The following UVRAG variants were observed in gnomAD, a reference collection of about 807,000 sequenced individuals.
The protein encoded by UVRAG is UV radiation resistance associated.
A neutral mutation model predicts 78.0 loss-of-function variants in UVRAG; 19 were observed. The ratio of observed to expected loss-of-function variants is 0.24; its 90% CI spans 0.17 to 0.36. The LOEUF is 0.36. Among genes scored for constraint, UVRAG ranks in the 10% least tolerant of loss-of-function variants. The pLI is 1.00. For synonymous variants in UVRAG, 323 were observed against 324.6 expected (o/e 1.00, Z 0.05); for missense variants, 740 against 853.8 (o/e 0.87, Z 1.66).
At chr11:76,053,774 A>G (rs1950921271) in intron 12 of UVRAG, among the ~76,000 whole-genome samples, 1 of 152,206 alleles carries the variant, frequency 6.6e-6, no homozygotes. Flanking sequence ...GATCGAGACC[A>G]GCCTGGCCAA....
intron 9 of UVRAG, among the ~76,000 whole-genome samples, chr11:76,004,530 A>G (rs775954896): frequency 2.0e-5 from 3 of 151,740 alleles, no homozygotes; most frequent in Non-Finnish European, 4.4e-5. Flanking sequence ...TCTCCATGCT[A>G]CGATCAGACC....
chr11:75,932,538 C>T (rs1433801659), intron 6 of UVRAG, among the ~76,000 whole-genome samples: 1 of 152,122 alleles, frequency 6.6e-6, no homozygotes, highest in Non-Finnish European at 1.5e-5. Flanking sequence ...CCCGCCTCGG[C>T]CTCCCAAAGT....
intron 1 of UVRAG, among the ~76,000 whole-genome samples, chr11:75,832,856 CAGGA>C: frequency 6.6e-6 from 1 of 152,300 alleles, no homozygotes; most frequent in East Asian, 1.9e-4. Context: ...ACTCTTGTGT[CAGGA>C]ACTGGAAACT....
rs1326536853 is a variant in UVRAG, at chr11:76,103,901, G to A, written c.1306-12023G>A. Among the ~76,000 whole-genome samples the A allele has an allele frequency of 3.3e-5, 5 of 151,742 alleles. No homozygotes were observed. In the East Asian group the frequency reaches 9.6e-4, roughly 29 times the overall value. On this transcript the variant is annotated intron_variant, in intron 13 of 14. Transcript: ENST00000356136. ...AGCTTAGCTGAACAGTAACTAAACA[G>A]AGATGTAACTATTGTCAAATTTCTG...
chr11:75,880,931 T>C lies in UVRAG; in HGVS notation c.432+891T>C, dbSNP rs1388600382. Among the ~76,000 whole-genome samples the C allele has an allele frequency of 2.7e-5, 3 of 112,720 alleles. No individual in the cohort carries two copies. In the South Asian group the frequency reaches 9.0e-4, roughly 34 times the overall value. 73.9% of individuals were successfully genotyped at this position (112,720 alleles called of 152,430 possible). ...TCTTCCTTTCTTTTATTTACTTCTT[T>C]TTTTTTTTTTTTTTTTTTTTTTTTA... On this transcript the variant is annotated intron_variant, in intron 4 of 14. Coordinates refer to ENST00000356136, the MANE Select transcript of UVRAG (RefSeq NM_003369.4).
At chr11:76,003,458 T>C (rs1280672604) in intron 8 of UVRAG, among the ~76,000 whole-genome samples, 1 of 151,692 alleles carries the variant, frequency 6.6e-6, no homozygotes, top group Non-Finnish European at 1.5e-5. Flanking sequence ...TGACCTCAAG[T>C]GATCTGCCAG....
intron 13 of UVRAG, among the ~76,000 whole-genome samples, chr11:76,096,875 C>A (rs1951793688): frequency 6.6e-6 from 1 of 152,152 alleles, no homozygotes; most frequent in Non-Finnish European, 1.5e-5. Context: ...CCAAATGAAG[C>A]CTTTGCTGCT....
intron 11 of UVRAG, among the ~76,000 whole-genome samples, chr11:76,016,284 C>T (rs191990364): frequency 7.5e-4 from 114 of 152,232 alleles, no homozygotes; most frequent in African/African-American, 2.7e-3. Flanking sequence ...ACTTCATAGA[C>T]TTATTATGTA....
intron 6 of UVRAG, among the ~76,000 whole-genome samples, chr11:75,925,787 A>C (rs1175891807): frequency 6.6e-6 from 1 of 152,204 alleles, no homozygotes; most frequent in African/African-American, 2.4e-5. Flanking sequence ...AAAAGTTAGC[A>C]TACATCTTTT....
At chr11:75,855,177 C>G (rs1252969003) in intron 2 of UVRAG, among the ~76,000 whole-genome samples, 1 of 152,154 alleles carries the variant, frequency 6.6e-6, no homozygotes, top group Non-Finnish European at 1.5e-5. Flanking sequence ...TTTGTTTTTT[C>G]TCTCTTCCAG....
chr11:76,005,079 C>G (rs1433487104), intron 9 of UVRAG, among the ~76,000 whole-genome samples: 2 of 152,108 alleles, frequency 1.3e-5, no homozygotes, highest in Non-Finnish European at 2.9e-5. Flanking sequence ...CATGGTGGCT[C>G]ACACCTGTAA....
At chr11:75,885,002 A>G in intron 4 of UVRAG, among the ~76,000 whole-genome samples, 1 of 149,496 alleles carries the variant, frequency 6.7e-6, no homozygotes, top group Non-Finnish European at 1.5e-5. Context: ...CTTTCAGTCT[A>G]TAGATATGTC....
At chr11:75,912,280 C>A (rs956412636) in intron 6 of UVRAG, among the ~76,000 whole-genome samples, 32 of 152,176 alleles carry the variant, frequency 2.1e-4, no homozygotes, top group Admixed American at 2.0e-3. Context: ...AGCCAGTGAT[C>A]TGAAAACAGA....
chr11:75,892,439 C>T (rs1204129906), intron 5 of UVRAG: 4 of 957,172 alleles, frequency 4.2e-6, no homozygotes, highest in Non-Finnish European at 5.0e-6. Context: ...ATTTAGTGAG[C>T]ACTTCTATGC....
intron 13 of UVRAG, 45 bp downstream of exon 13, chr11:76,065,833 C>G (rs768583283): frequency 4.4e-6 from 7 of 1,575,284 alleles, no homozygotes; most frequent in Non-Finnish European, 6.1e-6. Flanking sequence ...CATGCACAGC[C>G]TGTTTCCTTA....
chr11:75,951,157 T>C (rs984821656), intron 6 of UVRAG, among the ~76,000 whole-genome samples: 1 of 152,090 alleles, frequency 6.6e-6, no homozygotes, highest in Non-Finnish European at 1.5e-5. Flanking sequence ...TACATTTAGG[T>C]CCCTAATCCA....
intron 13 of UVRAG, among the ~76,000 whole-genome samples, chr11:76,080,166 G>GT (rs1375870995): frequency 6.6e-6 from 1 of 152,132 alleles, no homozygotes; most frequent in Non-Finnish European, 1.5e-5. Context: ...CCTTAATACT[G>GT]TGACAGTGGC....
At chr11:75,976,647 A>T (rs1465086142) in intron 7 of UVRAG, among the ~76,000 whole-genome samples, 1 of 151,682 alleles carries the variant, frequency 6.6e-6, no homozygotes, top group Non-Finnish European at 1.5e-5. Flanking sequence ...TTTCTAGTTT[A>T]TTTACATAGA....
chr11:75,995,085 A>T (rs1241147077), intron 8 of UVRAG, among the ~76,000 whole-genome samples: 1 of 152,142 alleles, frequency 6.6e-6, no homozygotes, highest in Non-Finnish European at 1.5e-5. Flanking sequence ...GGTGGAAATG[A>T]TGGTGATCTG....
Sources: gnomAD v4.1 joint callset for allele counts (sites outside exome capture counted in the v4.1 genomes callset) on GRCh38, gnomAD v4.1.1 for gene constraint, MANE v1.5 for transcripts, NCBI Gene and HGNC (gene_info 2026-07-23, HGNC 2026-07-21) for gene names.